The following SEM1 variants were observed in gnomAD, a reference collection of about 807,000 sequenced individuals.
The protein encoded by SEM1 is SEM1 26S proteasome subunit, also known as 26S proteasome complex subunit SEM1.
A neutral mutation model predicts 12.7 loss-of-function variants in SEM1; 3 were observed. The ratio of observed to expected loss-of-function variants is 0.24; its 90% CI spans 0.11 to 0.61. The LOEUF (loss-of-function observed/expected upper bound fraction) is 0.61. Among genes scored for constraint, SEM1 ranks in the 20% least tolerant of loss-of-function variants. The probability of loss-of-function intolerance (pLI) is 0.88; values close to 1 mark genes in which losing one functional copy is unlikely to be tolerated. For synonymous variants in SEM1, 30 were observed against 27.8 expected (o/e 1.08, Z -0.25); for missense variants, 59 against 81.3 (o/e 0.73, Z 1.06).
chr7:96,486,699 A>G (rs1228653196), intron 1 of SEM1, among the ~76,000 whole-genome samples: 2 of 152,128 alleles, frequency 1.3e-5, no homozygotes, highest in African/African-American at 2.4e-5. Context: ...ACACAAGGGG[A>G]CTTGGTAACC....
At chr7:96,660,631 T>G (rs1186092505) in intron 2 of SEM1, among the ~76,000 whole-genome samples, 2 of 152,126 alleles carry the variant, frequency 1.3e-5, no homozygotes, top group Non-Finnish European at 2.9e-5. Context: ...TATCTTACTA[T>G]CTCAATTTCA....
chr7:96,538,493 A>G (rs760390091), intron 2 of SEM1, among the ~76,000 whole-genome samples: 9 of 151,930 alleles, frequency 5.9e-5, no homozygotes, highest in Admixed American at 1.3e-4. Flanking sequence ...TATAGGTGCA[A>G]AAGGACTCAC....
At chr7:96,629,613 C>T (rs552537290) in intron 2 of SEM1, among the ~76,000 whole-genome samples, 7 of 152,146 alleles carry the variant, frequency 4.6e-5, no homozygotes, top group Admixed American at 1.3e-4. Context: ...GTCACATATC[C>T]GTTTCTCCAG....
intron 2 of SEM1, among the ~76,000 whole-genome samples, chr7:96,519,338 C>T (rs974694048): frequency 6.6e-6 from 1 of 152,128 alleles, no homozygotes; most frequent in African/African-American, 2.4e-5. Flanking sequence ...ACAATAAAAA[C>T]CCAATTTCCT....
At chr7:96,666,722 C>G (rs1172246813) in intron 2 of SEM1, among the ~76,000 whole-genome samples, 1 of 151,532 alleles carries the variant, frequency 6.6e-6, no homozygotes, top group Non-Finnish European at 1.5e-5. Flanking sequence ...GGACTTCAAC[C>G]TGGTACCCAC....
intron 2 of SEM1, among the ~76,000 whole-genome samples, chr7:96,524,579 A>T (rs1334031838): frequency 2.6e-5 from 4 of 152,090 alleles, no homozygotes; most frequent in Non-Finnish European, 4.4e-5. Context: ...TAAGTACATT[A>T]AAAAAGTAAA....
At chr7:96,704,459 G>A (rs1029434673) in intron 1 of SEM1, among the ~76,000 whole-genome samples, 1 of 152,088 alleles carries the variant, frequency 6.6e-6, no homozygotes, top group African/African-American at 2.4e-5. Context: ...CTAGCATGAG[G>A]TGACTAGCTG....
intron 3 of SEM1, among the ~76,000 whole-genome samples, chr7:96,506,442 A>G (rs1387586981): frequency 6.6e-6 from 1 of 152,078 alleles, no homozygotes; most frequent in Non-Finnish European, 1.5e-5. Context: ...TTTCTTGGTT[A>G]TTATATATGT....
intron 2 of SEM1, among the ~76,000 whole-genome samples, chr7:96,642,268 TA>T (rs1808638388): frequency 6.6e-6 from 1 of 152,074 alleles, no homozygotes; most frequent in African/African-American, 2.4e-5. Context: ...ACACCTGTTT[TA>T]AATTCCTTTA....
chr7:96,565,416 GTCAATGC>G (rs1236800779), intron 2 of SEM1, among the ~76,000 whole-genome samples: 1 of 151,756 alleles, frequency 6.6e-6, no homozygotes, highest in Admixed American at 6.6e-5. Flanking sequence ...TAGTCTAAAG[GTCAATGC>G]TCTGTGAGGC....
rs182442805 is a variant in SEM1 at position 96,512,505 on chromosome 7, T to C, written c.171-5807A>G. On this transcript the variant is annotated intron_variant and NMD_transcript_variant, in intron 2 of 3. Transcript: ENST00000466986. ...TCAATATAATTGAAGCCAAATGTAATTAATTATATAATTTCTGGCTGTCCA... is the reference window on the plus strand; with the variant it reads ...TCAATATAATTGAAGCCAAATGTAACTAATTATATAATTTCTGGCTGTCCA... 2.5e-3 allele frequency among the ~76,000 whole-genome samples: 375 copies of C among 152,286 alleles called. 3 individuals are homozygous for C. Among genetic ancestry groups the C allele is most frequent in the Non-Finnish European group, 4.4e-3 (302 of 68,022 alleles).
At chr7:96,558,962 T>C (rs1372809991) in intron 2 of SEM1, among the ~76,000 whole-genome samples, 1 of 152,198 alleles carries the variant, frequency 6.6e-6, no homozygotes. Flanking sequence ...TAAATGGATA[T>C]AATAAAATCT....
At chr7:96,605,941 T>C (rs562781367) in intron 2 of SEM1, among the ~76,000 whole-genome samples, 3 of 152,152 alleles carry the variant, frequency 2.0e-5, no homozygotes, top group Non-Finnish European at 4.4e-5. Flanking sequence ...GGTACCCACA[T>C]TGTACATGCT....
chr7:96,656,913 T>A (rs1308473325), intron 2 of SEM1, among the ~76,000 whole-genome samples: 3 of 151,624 alleles, frequency 2.0e-5, no homozygotes, highest in African/African-American at 7.3e-5. Context: ...TAAGTTGGGC[T>A]TATTTATAAG....
At chr7:96,517,651 T>A (rs1804138597) in intron 2 of SEM1, among the ~76,000 whole-genome samples, 1 of 152,158 alleles carries the variant, frequency 6.6e-6, no homozygotes, top group South Asian at 2.1e-4. Context: ...CTGATAGTTG[T>A]CTTTTTTTAA....
chr7:96,558,697 A>T (rs1433363205), intron 2 of SEM1, among the ~76,000 whole-genome samples: 1 of 152,234 alleles, frequency 6.6e-6, no homozygotes, highest in Non-Finnish European at 1.5e-5. Flanking sequence ...AGGTCTTCGT[A>T]AACTGCTCAT....
chr7:96,652,782 C>T (rs568376125), intron 2 of SEM1, among the ~76,000 whole-genome samples: 1 of 152,304 alleles, frequency 6.6e-6, no homozygotes, highest in South Asian at 2.1e-4. Flanking sequence ...TTAAAACACA[C>T]ACTCATATCG....
intron 2 of SEM1, among the ~76,000 whole-genome samples, chr7:96,526,590 A>G (rs1330935476): frequency 6.6e-6 from 1 of 152,132 alleles, no homozygotes; most frequent in East Asian, 1.9e-4. Context: ...CCACCAGGAC[A>G]AACAAAAGAC....
intron 1 of SEM1, among the ~76,000 whole-genome samples, chr7:96,701,305 G>A (rs1428501468): frequency 1.3e-5 from 2 of 151,942 alleles, no homozygotes; most frequent in East Asian, 1.9e-4. Flanking sequence ...GTATTCGGGA[G>A]GTAATCAGGA....
Sources: gnomAD v4.1 joint callset for allele counts (sites outside exome capture counted in the v4.1 genomes callset) on GRCh38, gnomAD v4.1.1 for gene constraint, MANE v1.5 for transcripts, NCBI Gene and HGNC (gene_info 2026-07-23, HGNC 2026-07-21) for gene names.